IL1RAPL1: variants seen among roughly 807,000 people sequenced by gnomAD.
IL1RAPL1 encodes the protein interleukin-1 receptor accessory protein-like 1.
In IL1RAPL1, 3 loss-of-function variants were observed where a neutral mutation model predicts 48.4. The observed-to-expected ratio is 0.06, with a 90% CI of 0.03 to 0.16. The LOEUF (loss-of-function observed/expected upper bound fraction) is 0.16, where lower values mean the gene tolerates loss of function less well. Among genes scored for constraint, IL1RAPL1 ranks in the 10% least tolerant of loss-of-function variants. IL1RAPL1 has a pLI of 1.00. For missense variants in IL1RAPL1, 349 were observed against 530.6 expected (o/e 0.66, Z 3.36); for synonymous variants, 185 against 187.7 (o/e 0.99, Z 0.12).
chrX:29,464,084 T>C (rs1934835070), intron 5 of IL1RAPL1, among the ~76,000 whole-genome samples: 1 of 112,544 alleles, frequency 8.9e-6, no homozygotes, highest in South Asian at 3.6e-4. Context: ...TCTCACAAAA[T>C]TTTTAGAATA....
chrX:28,713,005 A>C (rs1208851989), intron 1 of IL1RAPL1, among the ~76,000 whole-genome samples: 3 of 111,582 alleles, frequency 2.7e-5, no homozygotes, highest in Non-Finnish European at 5.6e-5. Context: ...AAAAGATAAA[A>C]AATTTCTTGT....
At chrX:29,518,449 C>T (rs920728537) in intron 5 of IL1RAPL1, among the ~76,000 whole-genome samples, 7 of 110,099 alleles carry the variant, frequency 6.4e-5, no homozygotes, top group South Asian at 3.9e-4. Flanking sequence ...AGGTGGGGGT[C>T]GAGCGTGGAG....
At chrX:28,771,999 TG>T (rs1263836315) in intron 1 of IL1RAPL1, among the ~76,000 whole-genome samples, 1 of 110,213 alleles carries the variant, frequency 9.1e-6, no homozygotes, top group African/African-American at 3.3e-5. Context: ...GTCTAGCTTT[TG>T]GAAACAACTT....
chrX:29,563,733 T>C (rs896010675), intron 5 of IL1RAPL1, among the ~76,000 whole-genome samples: 18 of 112,008 alleles, frequency 1.6e-4, no homozygotes, highest in African/African-American at 4.5e-4. Flanking sequence ...CAAACCTCAC[T>C]TCTGAACGGT....
chrX:29,247,650 C>T (rs996238431), intron 2 of IL1RAPL1, among the ~76,000 whole-genome samples: 10 of 110,605 alleles, frequency 9.0e-5, no homozygotes, highest in Non-Finnish European at 1.3e-4. Flanking sequence ...GGTGTGGTGG[C>T]GGGCGCCTAT....
intron 6 of IL1RAPL1, among the ~76,000 whole-genome samples, chrX:29,703,929 G>C (rs950558495): frequency 9.0e-6 from 1 of 111,034 alleles, no homozygotes; most frequent in African/African-American, 3.3e-5. Flanking sequence ...GTCAAATTTT[G>C]TATTTTTAAT....
At chrX:29,794,136 C>CT (rs1189478836) in intron 6 of IL1RAPL1, among the ~76,000 whole-genome samples, 1 of 111,697 alleles carries the variant, frequency 9.0e-6, no homozygotes, top group Admixed American at 9.5e-5. Flanking sequence ...TCAGGTCATG[C>CT]TTTTTTGCAT....
chrX:28,794,985 TTA>T (rs1218995555), intron 2 of IL1RAPL1, among the ~76,000 whole-genome samples: 2 of 111,529 alleles, frequency 1.8e-5, no homozygotes, highest in Non-Finnish European at 1.9e-5. Flanking sequence ...TTTCACATGA[TTA>T]AGAGACAACC....
chrX:29,196,930 T>C (rs1478323643), intron 2 of IL1RAPL1, among the ~76,000 whole-genome samples: 1 of 110,462 alleles, frequency 9.1e-6, no homozygotes, highest in African/African-American at 3.3e-5. Flanking sequence ...CTATCTAGTG[T>C]ATATTTTCCT....
chrX:29,078,025 C>G (rs1432124012), intron 2 of IL1RAPL1, among the ~76,000 whole-genome samples: 1 of 112,296 alleles, frequency 8.9e-6, no homozygotes, highest in Non-Finnish European at 1.9e-5. Context: ...TGCCTGTAAT[C>G]CCAGCACTTT....
intron 2 of IL1RAPL1, among the ~76,000 whole-genome samples, chrX:28,854,593 A>G (rs1328525448): frequency 9.0e-6 from 1 of 111,606 alleles, no homozygotes; most frequent in East Asian, 2.8e-4. Context: ...ATTAGTAGGT[A>G]AAATCACTGG....
At chrX:29,716,318 C>A (rs1927482982) in intron 6 of IL1RAPL1, among the ~76,000 whole-genome samples, 1 of 110,996 alleles carries the variant, frequency 9.0e-6, no homozygotes, top group Non-Finnish European at 1.9e-5. Context: ...AGGATACATA[C>A]AATACACACA....
intron 9 of IL1RAPL1, among the ~76,000 whole-genome samples, chrX:29,948,609 CTA>C (rs1351413285): frequency 9.0e-6 from 1 of 111,092 alleles, no homozygotes; most frequent in African/African-American, 3.3e-5. Flanking sequence ...TTTTTGAAAA[CTA>C]TAATTTATTC....
chrX:29,604,242 T>G (rs745442293), intron 5 of IL1RAPL1, among the ~76,000 whole-genome samples: 2 of 112,193 alleles, frequency 1.8e-5, no homozygotes, highest in Non-Finnish European at 3.8e-5. Context: ...GAATGTCTTA[T>G]AAGTGTCTGA....
At chrX:29,446,410 C>CAA (rs1934612890) in intron 5 of IL1RAPL1, among the ~76,000 whole-genome samples, 1 of 111,423 alleles carries the variant, frequency 9.0e-6, no homozygotes, top group African/African-American at 3.3e-5. Context: ...GTGTATCAGA[C>CAA]AATACTTAGA....
intron 2 of IL1RAPL1, among the ~76,000 whole-genome samples, chrX:29,123,636 A>G (rs1928842761): frequency 9.0e-6 from 1 of 111,284 alleles, no homozygotes; most frequent in South Asian, 3.7e-4. Context: ...AAGAGTAACT[A>G]TGTTATGTTA....
At chrX:29,943,296 T>C (rs1308804039) in intron 9 of IL1RAPL1, among the ~76,000 whole-genome samples, 2 of 112,201 alleles carry the variant, frequency 1.8e-5, no homozygotes, top group Non-Finnish European at 3.8e-5. Flanking sequence ...TTGTCGGAAC[T>C]ACTGTTGAAT....
chrX:29,791,457 C>G (rs1243504882), intron 6 of IL1RAPL1, among the ~76,000 whole-genome samples: 1 of 92,166 alleles, frequency 1.1e-5, no homozygotes, highest in Non-Finnish European at 2.1e-5. Context: ...GAGTTTTGCT[C>G]TTGTTGCCCA....
At chrX:29,478,455 C>G (rs1360303049) in intron 5 of IL1RAPL1, among the ~76,000 whole-genome samples, 2 of 111,596 alleles carry the variant, frequency 1.8e-5, no homozygotes, top group Non-Finnish European at 1.9e-5. Flanking sequence ...ACATCTCCCC[C>G]TGCTTCAGCC....
Sources: gnomAD v4.1 joint callset for allele counts (sites outside exome capture counted in the v4.1 genomes callset) on GRCh38, gnomAD v4.1.1 for gene constraint, MANE v1.5 for transcripts, NCBI Gene and HGNC (gene_info 2026-07-23, HGNC 2026-07-21) for gene names.